USP40: variants seen among roughly 807,000 people sequenced by gnomAD.
USP40 encodes ubiquitin carboxyl-terminal hydrolase 40.
A neutral mutation model predicts 166.2 loss-of-function variants in USP40; 143 were observed. The observed-to-expected ratio is 0.86, with a 90% confidence interval of 0.75 to 0.99. The LOEUF (loss-of-function observed/expected upper bound fraction) is 0.99. USP40 is among the 50% of genes least tolerant of loss of function. The probability of loss-of-function intolerance (pLI) is 0.00; values close to 1 mark genes in which losing one functional copy is unlikely to be tolerated. For synonymous variants in USP40, 498 were observed against 524.0 expected (o/e 0.95, Z 0.68); for missense variants, 1,444 against 1,479.7 (o/e 0.98, Z 0.40).
Position 233,549,225 on chromosome 2 carries a change from T to C in USP40, c.842A>G (p.Glu281Gly), listed in dbSNP as rs755779269. The change falls in exon 8 of 32, where the codon GAA becomes GGA. Residue 281 changes from glutamate to glycine, a missense_variant. Glu to Gly is a moderately conservative substitution (Grantham distance 98). Coordinates refer to ENST00000678225, the MANE Select transcript of USP40 (RefSeq NM_001365479.2). Reference sequence around the variant, plus strand: ...ATATATATATTCTAAGTCATCCAATTCACTCTAAAAGAAAAAAGAACAAAA... The same window carrying C: ...ATATATATATTCTAAGTCATCCAATCCACTCTAAAAGAAAAAAGAACAAAA... ...INLKPFCEQS[E>G]LDDLEYIYDL... The C allele has an allele frequency of 7.1e-6, 10 of 1,417,134 alleles. No individual in the cohort carries two copies. The highest frequency in any genetic ancestry group is 2.1e-5 in the Admixed American group (1 of 46,650). 87.8% of individuals were successfully genotyped at this position (1,417,134 alleles called of 1,614,324 possible).
chr2:233,484,156 T>TCAA (rs891683519), intron 30 of USP40, among the ~76,000 whole-genome samples: 1 of 152,188 alleles, frequency 6.6e-6, no homozygotes, highest in African/African-American at 2.4e-5. Flanking sequence ...AGATACTGTC[T>TCAA]CAACAACAAC....
intron 2 of USP40, among the ~76,000 whole-genome samples, chr2:233,564,198 A>T (rs1575357898): frequency 6.6e-6 from 1 of 152,298 alleles, no homozygotes; most frequent in East Asian, 1.9e-4. Context: ...TGGAGGCAGC[A>T]AGTCTTTCTA....
chr2:233,542,935 T>C (rs1039969486), intron 8 of USP40, among the ~76,000 whole-genome samples: 1 of 152,230 alleles, frequency 6.6e-6, no homozygotes, highest in Non-Finnish European at 1.5e-5. Flanking sequence ...ATTTGATATG[T>C]TGAGTTTTCA....
At chr2:233,507,562 G>A (rs888997954) in intron 21 of USP40, among the ~76,000 whole-genome samples, 12 of 151,530 alleles carry the variant, frequency 7.9e-5, no homozygotes, top group Admixed American at 5.3e-4. Context: ...TTAAGTGAAC[G>A]AAGCCAGGCA....
Position 233,533,482 on chromosome 2 carries a change from CA to C in USP40, c.1467del (p.Glu490LysfsTer15), listed in dbSNP as rs771062536. ...AGGAACATTTTTCTTTCCATACCTTCAGGGGGTCTCTGCAACTGGGATTTCC... is the reference window on the plus strand; with the variant it reads ...AGGAACATTTTTCTTTCCATACCTTCGGGGGTCTCTGCAACTGGGATTTCC... ...FYRKSQLQRP[P>X]EARANPRYGV... On this transcript the variant is annotated frameshift_variant, in exon 11 of 32. Transcript: ENST00000678225. LOFTEE classifies it high-confidence loss of function. 2.5e-6 allele frequency: 4 copies of C among 1,612,488 alleles called. No homozygotes were observed. The highest frequency in any genetic ancestry group is 3.4e-6 in the Non-Finnish European group (4 of 1,178,976).
At chr2:233,510,968 T>C (rs569277623) in intron 20 of USP40, among the ~76,000 whole-genome samples, 1 of 152,090 alleles carries the variant, frequency 6.6e-6, no homozygotes, top group Non-Finnish European at 1.5e-5. Flanking sequence ...TCCTATCAGC[T>C]TGTCATGCAC....
chr2:233,481,156 A>G, intron 31 of USP40, 47 bp downstream of exon 31: 2 of 1,516,778 alleles, frequency 1.3e-6, no homozygotes, highest in Non-Finnish European at 1.8e-6. Flanking sequence ...AGAGAGAGTC[A>G]GAGAGGGCTC....
At chr2:233,534,638 C>G (rs2068808867) in intron 10 of USP40, among the ~76,000 whole-genome samples, 1 of 151,820 alleles carries the variant, frequency 6.6e-6, no homozygotes, top group Admixed American at 6.6e-5. Context: ...AGGGCATAAC[C>G]CAAAGACAAC....
chr2:233,476,781 T>A lies in USP40; in HGVS notation c.*611A>T, dbSNP rs1320241248. The A allele has an allele frequency of 6.2e-6, 1 of 160,440 alleles. No individual in the cohort carries two copies. The highest frequency in any genetic ancestry group is 1.4e-5 in the Non-Finnish European group (1 of 72,512). The allele number at this position is 160,440 out of a possible 1,614,324, so 9.9% of individuals were successfully genotyped here. On this transcript the variant is annotated 3_prime_UTR_variant, in exon 32 of 32. Coordinates refer to ENST00000678225, the MANE Select transcript of USP40 (RefSeq NM_001365479.2). ...ACCCTCGGAGGCCACCCTGTGTGGC[T>A]CCTCCTCGTGGAAAGAGCTCGCACT...
At chr2:233,513,309 T>A (rs1303476713) in intron 18 of USP40, among the ~76,000 whole-genome samples, 3 of 151,426 alleles carry the variant, frequency 2.0e-5, no homozygotes, top group African/African-American at 7.4e-5. Flanking sequence ...TTTCTTTGTG[T>A]ACTTTCTTCT....
At chr2:233,503,846 T>C (rs914538813) in intron 21 of USP40, among the ~76,000 whole-genome samples, 1 of 152,132 alleles carries the variant, frequency 6.6e-6, no homozygotes, top group Non-Finnish European at 1.5e-5. Flanking sequence ...CTCACAAGTA[T>C]AGGTAAATTC....
At position 233,521,114 on chromosome 2, in the gene USP40, G is replaced by A. The variant is rs2067620543; in HGVS notation, c.2202C>T (p.Ser734=). The part of the protein sequence containing the change: ...ILIQDSHDDN[S]LLTKEEKWVT... Reference sequence around the variant, plus strand: ...CCCATTTCTCTTCCTTGGTCAACAAGCTGTAGGTAAAAAGAAAAGATCAGA... The same window carrying A: ...CCCATTTCTCTTCCTTGGTCAACAAACTGTAGGTAAAAAGAAAAGATCAGA... Residue 734 remains serine (S), a splice_region_variant and synonymous_variant, in exon 17 of 32, where the codon AGC becomes AGT. Coordinates refer to ENST00000678225, the MANE Select transcript of USP40 (RefSeq NM_001365479.2). 7 of 1,607,448 alleles carry A rather than the reference G, an allele frequency of 4.4e-6. No homozygotes were observed. Among genetic ancestry groups the A allele is most frequent in the Admixed American group, 1.7e-5 (1 of 58,168 alleles).
At position 233,486,171 on chromosome 2, in the gene USP40, G is replaced by A. The variant is rs988358317; in HGVS notation, c.3198-194C>T. 6.6e-5 allele frequency among the ~76,000 whole-genome samples: 10 copies of A among 152,310 alleles called. No homozygotes were observed. Among genetic ancestry groups the A allele is most frequent in the East Asian group, 1.9e-4 (1 of 5,190 alleles). ...TTCCTTTAATCTTGGAATGAAGAGCGGAAGTGAAGATCCCATTCTCGGTAC... is the reference window on the plus strand; with the variant it reads ...TTCCTTTAATCTTGGAATGAAGAGCAGAAGTGAAGATCCCATTCTCGGTAC... On this transcript the variant is annotated intron_variant, in intron 28 of 31. Coordinates refer to ENST00000678225, the MANE Select transcript of USP40 (RefSeq NM_001365479.2). The surrounding 1 kb of genome is among the most constrained non-coding windows in gnomAD (Gnocchi z 4.0).
rs1356211337 is a variant in USP40 at position 233,476,643 on chromosome 2, A to C, written c.*749T>G. The C allele has an allele frequency of 6.5e-6, 1 of 152,904 alleles. No individual in the cohort carries two copies. Among genetic ancestry groups the C allele is most frequent in the Admixed American group, 6.5e-5 (1 of 15,338 alleles). 9.5% of individuals were successfully genotyped at this position (152,904 alleles called of 1,614,324 possible). A position where few individuals can be genotyped will look rare whatever the true frequency, so the allele number is the denominator to read the frequency against. On this transcript the variant is annotated 3_prime_UTR_variant, in exon 32 of 32. Transcript: ENST00000678225. ...AGGCTGAGGCGCTGTGGACGGCAGC[A>C]GCTGCAGTCCTCGGGATCCAAGGAC...
At position 233,491,179 on chromosome 2, in the gene USP40, CT is replaced by C; in HGVS notation, c.2999del (p.Glu1000GlyfsTer2). On this transcript the variant is annotated frameshift_variant, in exon 26 of 32. Transcript: ENST00000678225. LOFTEE classifies it high-confidence loss of function. ...IEISEDATLA[E>X]LKSQAMTLPP... ...GAAGAAGTCTGACCTGAGACTTCAG[CT>C]CCGCCAGCGTGGCATCTTCTGAGAT... The C allele has an allele frequency of 6.2e-7, 1 of 1,608,648 alleles. No individual in the cohort carries two copies. The highest frequency in any genetic ancestry group is 1.3e-5 in the African/African-American group (1 of 74,978).
rs201123578 is a variant in USP40 at position 233,554,484 on chromosome 2, C to A, written c.589G>T (p.Gly197Cys). The change falls in exon 6 of 32, where the codon GGT (glycine) becomes TGT (cysteine). Residue 197 changes from glycine (G) to cysteine (C), a missense_variant. Coordinates refer to ENST00000678225, the MANE Select transcript of USP40 (RefSeq NM_001365479.2). ...DLTVAVKNVS[G>C]LEDALWNMYV... ...ATGTTCCAGAGAGCATCTTCCAAAC[C>A]GGATACATTTTTGACTGCTACTGTT... is the stretch of plus-strand genomic sequence containing the variant. The A allele has an allele frequency of 1.9e-6, 3 of 1,611,946 alleles. No homozygotes were observed. The highest frequency in any genetic ancestry group is 2.5e-6 in the Non-Finnish European group (3 of 1,179,268).
At chr2:233,518,630 T>C (rs1333994590) in intron 18 of USP40, among the ~76,000 whole-genome samples, 2 of 151,136 alleles carry the variant, frequency 1.3e-5, no homozygotes. Context: ...ATGTAGAAAC[T>C]GCAACCCTGA....
intron 24 of USP40, among the ~76,000 whole-genome samples, chr2:233,495,754 C>CT (rs2065710125): frequency 1.3e-5 from 2 of 152,158 alleles, no homozygotes; most frequent in South Asian, 4.1e-4. Context: ...GGGACACTTG[C>CT]TTTTCCTGGC....
At chr2:233,546,715 G>C (rs894411749) in intron 8 of USP40, 3 of 152,192 alleles carry the variant, frequency 2.0e-5, no homozygotes, top group Non-Finnish European at 4.4e-5. Context: ...GCTTCGATCA[G>C]AATCTAATGA....
Sources: gnomAD v4.1 joint callset for allele counts (sites outside exome capture counted in the v4.1 genomes callset) on GRCh38, gnomAD v4.1.1 for gene constraint, Gnocchi (gnomAD v3.1) non-coding constraint, MANE v1.5 for transcripts, NCBI Gene and HGNC (gene_info 2026-07-23, HGNC 2026-07-21) for gene names.